The following DLG2 variants were observed in gnomAD, a reference collection of about 807,000 sequenced individuals.
DLG2 encodes the protein discs large MAGUK scaffold protein 2.
Under a neutral mutation model 132.5 loss-of-function variants are expected in DLG2, and 45 were observed. The observed-to-expected ratio is 0.34, with a 90% confidence interval of 0.27 to 0.44. The LOEUF (loss-of-function observed/expected upper bound fraction) is 0.44. Among genes scored for constraint, DLG2 ranks in the 20% least tolerant of loss-of-function variants. DLG2 has a pLI of 1.00. For missense variants in DLG2, 1,045 were observed against 1,196.9 expected (o/e 0.87, Z 1.87); for synonymous variants, 424 against 419.6 (o/e 1.01, Z -0.13).
intron 17 of DLG2, among the ~76,000 whole-genome samples, chr11:83,815,615 G>C (rs557029211): frequency 1.3e-5 from 2 of 152,288 alleles, no homozygotes; most frequent in African/African-American, 4.8e-5. Flanking sequence ...ACACACACAA[G>C]AGGTGGATGG....
At position 84,166,107 on chromosome 11, in the gene DLG2, T is replaced by C. The variant is rs140377056; in HGVS notation, c.574-2596A>G. ...TGGAAAGGCCCTAATCTCTATTCTCTCATTACAGGGAGAGTGTGGTCTATG... is the reference window on the plus strand; with the variant it reads ...TGGAAAGGCCCTAATCTCTATTCTCCCATTACAGGGAGAGTGTGGTCTATG... On this transcript the variant is annotated intron_variant, in intron 8 of 27. Coordinates refer to ENST00000376104, the MANE Select transcript of DLG2 (RefSeq NM_001142699.3). Among the ~76,000 whole-genome samples the C allele has an allele frequency of 5.9e-3, 896 of 152,254 alleles. 6 individuals carry two copies. The highest frequency in any genetic ancestry group is 8.8e-3 in the Non-Finnish European group (599 of 68,006).
At chr11:84,065,915 G>A (rs2096663627) in intron 10 of DLG2, among the ~76,000 whole-genome samples, 1 of 152,146 alleles carries the variant, frequency 6.6e-6, no homozygotes, top group Non-Finnish European at 1.5e-5. Flanking sequence ...GTCCTTTACA[G>A]CAACACAGAT....
intron 6 of DLG2, among the ~76,000 whole-genome samples, chr11:84,731,444 C>A (rs1205581284): frequency 6.6e-6 from 1 of 151,772 alleles, no homozygotes. Context: ...AGGGGAATCT[C>A]ATCTAAAAAT....
intron 7 of DLG2, among the ~76,000 whole-genome samples, chr11:84,427,606 A>G (rs1362640567): frequency 6.6e-6 from 1 of 152,206 alleles, no homozygotes; most frequent in East Asian, 1.9e-4. Context: ...TAATGTCCAA[A>G]TAGGAAAGGA....
At chr11:83,578,521 A>G (rs2096919106) in intron 19 of DLG2, among the ~76,000 whole-genome samples, 1 of 152,154 alleles carries the variant, frequency 6.6e-6, no homozygotes, top group South Asian at 2.1e-4. Flanking sequence ...TATAAGAAAT[A>G]CACTTTAAAT....
intron 3 of DLG2, among the ~76,000 whole-genome samples, chr11:85,539,841 A>G (rs1305427006): frequency 1.3e-5 from 2 of 152,212 alleles, no homozygotes; most frequent in African/African-American, 4.8e-5. Context: ...AGGAAAATGG[A>G]AATGGTTTAG....
At chr11:83,487,547 A>ATCAC (rs1263430349) in intron 21 of DLG2, among the ~76,000 whole-genome samples, 1 of 152,084 alleles carries the variant, frequency 6.6e-6, no homozygotes, top group Admixed American at 6.6e-5. Flanking sequence ...GGTTGCAAAT[A>ATCAC]TCACTGTTTT....
chr11:84,048,923 G>A (rs985027616), intron 11 of DLG2, among the ~76,000 whole-genome samples: 4 of 151,616 alleles, frequency 2.6e-5, no homozygotes, highest in Non-Finnish European at 4.4e-5. Flanking sequence ...AGACAGTCTC[G>A]GTACTAAGTG....
chr11:84,235,291 G>A (rs1019129897), intron 8 of DLG2, among the ~76,000 whole-genome samples: 8 of 152,086 alleles, frequency 5.3e-5, no homozygotes, highest in African/African-American at 1.9e-4. Flanking sequence ...GACCATCTTG[G>A]GCACATGTTC....
intron 7 of DLG2, among the ~76,000 whole-genome samples, chr11:84,384,800 A>G (rs1216075122): frequency 6.6e-6 from 1 of 152,022 alleles, no homozygotes; most frequent in Admixed American, 6.6e-5. Flanking sequence ...ATTTTCCTCT[A>G]TATGTGCTGC....
chr11:84,074,270 TTA>T (rs2096794469), intron 10 of DLG2, among the ~76,000 whole-genome samples: 4 of 152,182 alleles, frequency 2.6e-5, no homozygotes, highest in Admixed American at 2.6e-4. Context: ...AGTTTTTTTG[TTA>T]TCTTTTATTT....
intron 6 of DLG2, among the ~76,000 whole-genome samples, chr11:84,550,734 G>A (rs1212875272): frequency 6.6e-6 from 1 of 152,046 alleles, no homozygotes. Context: ...CTTCCTAGTG[G>A]GAAGCACCAT....
intron 6 of DLG2, among the ~76,000 whole-genome samples, chr11:84,599,786 C>T (rs10466723): frequency 0.16 from 23,823 of 151,924 alleles, 2,087 homozygotes; most frequent in African/African-American, 0.24. Context: ...AATCCCAACA[C>T]TTTAGGAGGC....
chr11:84,600,159 G>GGAAAGAAGGAAAGAAAGAAAGAAA lies in DLG2; in HGVS notation c.358-65429_358-65428insTTTCTTTCTTTCTTTCCTTCTTTC, dbSNP rs1555082762. Among the ~76,000 whole-genome samples the GGAAAGAAGGAAAGAAAGAAAGAAA allele has an allele frequency of 4.3e-4, 41 of 96,140 alleles. 1 individual carries two copies. The highest frequency in any genetic ancestry group is 7.8e-4 in the African/African-American group (18 of 23,100). 63.1% of individuals were successfully genotyped at this position (96,140 alleles called of 152,430 possible). On this transcript the variant is annotated intron_variant, in intron 6 of 27. Transcript: ENST00000376104. ...AAGAAAGAAGGAAAGAAAGAAAGAA[G>GGAAAGAAGGAAAGAAAGAAAGAAA]GAAAGAAAGAAAGAAAGAAAGAAAG...
chr11:85,536,720 G>A (rs1056693295), intron 3 of DLG2, among the ~76,000 whole-genome samples: 11 of 152,234 alleles, frequency 7.2e-5, no homozygotes, highest in Non-Finnish European at 1.2e-4. Context: ...TCAGGGCAGC[G>A]GGCTGATGCC....
intron 4 of DLG2, among the ~76,000 whole-genome samples, chr11:85,248,907 T>C (rs2076265001): frequency 6.6e-6 from 1 of 152,024 alleles, no homozygotes; most frequent in South Asian, 2.1e-4. Context: ...AGGGGACAAA[T>C]TCTAGGACTA....
At chr11:83,750,594 T>G (rs539048736) in intron 18 of DLG2, among the ~76,000 whole-genome samples, 1 of 152,190 alleles carries the variant, frequency 6.6e-6, no homozygotes, top group Admixed American at 6.5e-5. Flanking sequence ...TTTCAAATAA[T>G]GTGCCATTTG....
chr11:84,146,297 G>T (rs1273417471), intron 9 of DLG2, among the ~76,000 whole-genome samples: 3 of 151,964 alleles, frequency 2.0e-5, no homozygotes, highest in African/African-American at 7.2e-5. Flanking sequence ...ATTTAGAAAA[G>T]GTCTAAATAA....
chr11:85,393,521 C>A (rs1007406679), intron 3 of DLG2, among the ~76,000 whole-genome samples: 5 of 151,994 alleles, frequency 3.3e-5, no homozygotes, highest in African/African-American at 7.2e-5. Flanking sequence ...TGCACACACA[C>A]GTGTATAGCA....
Sources: allele counts gnomAD v4.1 joint callset (sites outside exome capture counted in the v4.1 genomes callset), GRCh38; gene constraint gnomAD v4.1.1; transcripts MANE v1.5; gene names NCBI Gene and HGNC (gene_info 2026-07-23, HGNC 2026-07-21).